Variants in TRPC5 observed in about 807,000 individuals in gnomAD.
The protein encoded by TRPC5 is short transient receptor potential channel 5.
TRPC5 carries 9 observed loss-of-function variants against 56.5 expected under a neutral mutation model. That is an observed-to-expected ratio of 0.16 (90% CI 0.10 to 0.28). The LOEUF (loss-of-function observed/expected upper bound fraction) is 0.28, where lower values mean the gene tolerates loss of function less well. TRPC5 is among the 10% of genes least tolerant of loss of function. The pLI is 1.00. For missense variants in TRPC5, 469 were observed against 748.9 expected (o/e 0.63, Z 4.36); for synonymous variants, 282 against 278.5 (o/e 1.01, Z -0.13).
rs964019754 is a variant in TRPC5, at chrX:111,912,653, C to T, written c.538G>A (p.Glu180Lys). Residue 180 changes from glutamate (E) to lysine (K), a missense_variant, in exon 3 of 11, where the codon GAG becomes AAG. Around this residue, in one of 3 missense-constraint regions of TRPC5, gnomAD observed 118 missense variants for 167.1 expected, o/e 0.71. Coordinates refer to ENST00000262839, the MANE Select transcript of TRPC5 (RefSeq NM_012471.3). ...RPHQIRCNCVECVSSSEVDSL... is the reference protein window; with the variant it reads ...RPHQIRCNCVKCVSSSEVDSL... ...TCTACCTCTGAACTAGACACACACT[C>T]CACACAGTTGCAGCGGATCTGGTGG... 8.3e-7 allele frequency: 1 copy of T among 1,211,410 alleles called. No individual in the cohort carries two copies. The highest frequency in any genetic ancestry group is 1.1e-6 in the Non-Finnish European group (1 of 895,516).
intron 1 of TRPC5, among the ~76,000 whole-genome samples, chrX:112,021,822 C>T (rs1266172475): frequency 8.9e-6 from 1 of 112,371 alleles, no homozygotes; most frequent in Non-Finnish European, 1.9e-5. Flanking sequence ...GAGGCAAGAT[C>T]ATAGAGTCAA....
At chrX:111,982,641 C>G (rs1569529055) in intron 1 of TRPC5, among the ~76,000 whole-genome samples, 2 of 111,672 alleles carry the variant, frequency 1.8e-5, no homozygotes, top group Non-Finnish European at 3.8e-5. Context: ...CCTTCTTTGC[C>G]TGCTGATTAA....
At chrX:111,972,833 CTT>C (rs1316157783) in intron 1 of TRPC5, among the ~76,000 whole-genome samples, 1 of 112,336 alleles carries the variant, frequency 8.9e-6, no homozygotes, top group Non-Finnish European at 1.9e-5. Context: ...TCATTTTTCT[CTT>C]GTTTCTCATT....
intron 7 of TRPC5, among the ~76,000 whole-genome samples, chrX:111,812,139 G>A (rs1298045917): frequency 9.1e-6 from 1 of 109,456 alleles, no homozygotes; most frequent in Admixed American, 9.8e-5. Context: ...ATCCCTACGT[G>A]AGTTTAGCTT....
intron 7 of TRPC5, among the ~76,000 whole-genome samples, chrX:111,807,956 CTGTGTGTGTGTG>C (rs60688414): frequency 1.6e-4 from 15 of 91,926 alleles, no homozygotes; most frequent in South Asian, 9.1e-4. Flanking sequence ...CTCTCTCTCT[CTGTGTGTGTGTG>C]TGTGTGTGTG....
chrX:111,944,303 TGAGAGAGAGAGAGA>T (rs774055316), intron 2 of TRPC5, among the ~76,000 whole-genome samples: 17 of 61,369 alleles, frequency 2.8e-4, no homozygotes, highest in Admixed American at 2.0e-3. Context: ...TGTGTGTGTG[TGAGAGAGAGAGAGA>T]GAGAGAGAGA....
intron 7 of TRPC5, among the ~76,000 whole-genome samples, chrX:111,815,706 G>C (rs1396104914): frequency 9.1e-6 from 1 of 110,363 alleles, no homozygotes; most frequent in Non-Finnish European, 1.9e-5. Context: ...GGGAGACAGA[G>C]AGAGACAGAG....
intron 1 of TRPC5, among the ~76,000 whole-genome samples, chrX:112,038,745 G>C (rs1478332861): frequency 6.5e-5 from 7 of 108,452 alleles, no homozygotes; most frequent in Non-Finnish European, 1.1e-4. Context: ...GCAATGGCGC[G>C]ATCTCGGCTC....
intron 1 of TRPC5, among the ~76,000 whole-genome samples, chrX:112,057,661 A>G (rs1489038549): frequency 8.9e-6 from 1 of 112,098 alleles, no homozygotes; most frequent in Admixed American, 9.5e-5. Flanking sequence ...AGCTACAATT[A>G]ACACTTATTT....
intron 1 of TRPC5, among the ~76,000 whole-genome samples, chrX:111,966,465 C>T (rs1316147568): frequency 1.8e-5 from 2 of 110,883 alleles, no homozygotes; most frequent in Non-Finnish European, 3.8e-5. Flanking sequence ...GGGAATCCTC[C>T]CTAACTCATT....
At position 111,953,221 on chromosome X, in the gene TRPC5, A is replaced by G. The variant is rs148609470; in HGVS notation, c.-21-780T>C. Among the ~76,000 whole-genome samples, 638 of 112,205 alleles carry G rather than the reference A, an allele frequency of 5.7e-3. 5 individuals are homozygous for G. The highest frequency in any genetic ancestry group is 0.018 in the Middle Eastern group (4 of 218). On this transcript the variant is annotated intron_variant, in intron 1 of 10. Coordinates refer to ENST00000262839, the MANE Select transcript of TRPC5 (RefSeq NM_012471.3). ...ATGATTTTTTCCTCTGCCATTTCAA[A>G]TGAAAAGCTAACAGATCTGAGAATC...
At chrX:111,800,408 G>T (rs1296174124) in intron 7 of TRPC5, among the ~76,000 whole-genome samples, 1 of 111,679 alleles carries the variant, frequency 9.0e-6, no homozygotes, top group Non-Finnish European at 1.9e-5. Flanking sequence ...GAGGAGGGTG[G>T]ATCACGAGGT....
chrX:112,039,505 T>C (rs1929839594), intron 1 of TRPC5, among the ~76,000 whole-genome samples: 1 of 112,194 alleles, frequency 8.9e-6, no homozygotes, highest in African/African-American at 3.2e-5. Flanking sequence ...ATCCCTAGGT[T>C]TGAACATTGC....
At chrX:111,878,695 A>G (rs1000564298) in intron 3 of TRPC5, among the ~76,000 whole-genome samples, 2 of 111,319 alleles carry the variant, frequency 1.8e-5, no homozygotes, top group Non-Finnish European at 3.8e-5. Flanking sequence ...TGATGGGCAG[A>G]TGGGTGGGTG....
chrX:112,057,875 G>A (rs1184625086), intron 1 of TRPC5, among the ~76,000 whole-genome samples: 12 of 111,698 alleles, frequency 1.1e-4, no homozygotes, highest in Non-Finnish European at 1.1e-4. Context: ...GTTTGGGTGA[G>A]GCCTAGGAAT....
intron 1 of TRPC5, among the ~76,000 whole-genome samples, chrX:112,023,243 TTTG>T: frequency 4.1e-5 from 4 of 97,851 alleles, no homozygotes; most frequent in African/African-American, 1.3e-4. Flanking sequence ...AGTTTTTTTT[TTTG>T]TTTTTTTTTT....
chrX:111,800,184 A>C (rs1921258649), intron 7 of TRPC5, among the ~76,000 whole-genome samples: 1 of 111,144 alleles, frequency 9.0e-6, no homozygotes, highest in African/African-American at 3.3e-5. Flanking sequence ...CTAAGACAGC[A>C]AGATCAGCCA....
intron 7 of TRPC5, among the ~76,000 whole-genome samples, chrX:111,795,603 T>C (rs944237009): frequency 9.0e-6 from 1 of 111,707 alleles, no homozygotes; most frequent in Non-Finnish European, 1.9e-5. Flanking sequence ...ATATTGAAGA[T>C]CCCCTGTACA....
intron 1 of TRPC5, among the ~76,000 whole-genome samples, chrX:111,977,366 G>A (rs184079856): frequency 2.1e-4 from 23 of 111,500 alleles, no homozygotes; most frequent in Admixed American, 3.8e-4. Context: ...TGTCAAAAAC[G>A]CAAAATGGAA....
Sources: gnomAD v4.1 joint callset for allele counts (sites outside exome capture counted in the v4.1 genomes callset) on GRCh38, gnomAD v4.1.1 for gene constraint, gnomAD v4.1.1 regional missense constraint, MANE v1.5 for transcripts, NCBI Gene and HGNC (gene_info 2026-07-23, HGNC 2026-07-21) for gene names.